PIK3C2G: variants seen among roughly 807,000 people sequenced by gnomAD.
PIK3C2G encodes phosphatidylinositol 3-kinase C2 domain-containing subunit gamma.
In PIK3C2G, 168 loss-of-function variants were observed where a neutral mutation model predicts 181.1. The observed-to-expected ratio is 0.93, with a 90% CI of 0.82 to 1.05. The LOEUF is 1.05. Ranked by LOEUF, PIK3C2G falls within the 50% of genes least tolerant of loss-of-function variation. PIK3C2G has a pLI of 0.00. For synonymous variants in PIK3C2G, 573 were observed against 592.2 expected, an observed-to-expected ratio of 0.97 and a Z score of 0.47; for missense variants, 1,869 against 1,732.8, an observed-to-expected ratio of 1.08 and a Z score of -1.40.
At chr12:18,449,528 C>T (rs952207230) in intron 18 of PIK3C2G, among the ~76,000 whole-genome samples, 1 of 152,102 alleles carries the variant, frequency 6.6e-6, no homozygotes, top group Non-Finnish European at 1.5e-5. Flanking sequence ...GTTCAACTCC[C>T]ACTTATGAGT....
At chr12:18,701,138 C>T in the PIK3C2G span, among the ~76,000 whole-genome samples, 1 of 151,980 alleles carries the variant, frequency 6.6e-6, no homozygotes, top group Non-Finnish European at 1.5e-5. Flanking sequence ...GCATGCGTCA[C>T]CATGCCCGGC....
the PIK3C2G span, among the ~76,000 whole-genome samples, chr12:18,718,129 A>G: frequency 1.6e-4 from 24 of 152,192 alleles, no homozygotes; most frequent in African/African-American, 2.7e-4. Context: ...AGGTGAAGCT[A>G]TAATGTTTGG....
At chr12:18,373,345 C>T (rs578159725) in intron 13 of PIK3C2G, among the ~76,000 whole-genome samples, 47 of 152,092 alleles carry the variant, frequency 3.1e-4, no homozygotes, top group African/African-American at 9.6e-4. Context: ...CTATAATGAG[C>T]GCTTATGTCA....
At chr12:18,454,696 T>G (rs1420030491) in intron 18 of PIK3C2G, among the ~76,000 whole-genome samples, 2 of 152,124 alleles carry the variant, frequency 1.3e-5, no homozygotes, top group South Asian at 2.1e-4. Context: ...CTGAGAAATT[T>G]TATTGCATTA....
intron 31 of PIK3C2G, among the ~76,000 whole-genome samples, chr12:18,637,144 T>C (rs1296800629): frequency 6.6e-6 from 1 of 152,184 alleles, no homozygotes; most frequent in Admixed American, 6.5e-5. Context: ...CAGTGTCCAG[T>C]AGTTCCCAAA....
At chr12:18,538,404 C>A in intron 25 of PIK3C2G, 92 bp downstream of exon 25, 1 of 1,060,408 alleles carries the variant, frequency 9.4e-7, no homozygotes, top group Non-Finnish European at 1.4e-6. Flanking sequence ...TGGAGTTCCC[C>A]AAGGAGCTAT....
At chr12:18,645,943 G>T (rs910021955) in intron 32 of PIK3C2G, among the ~76,000 whole-genome samples, 1 of 152,108 alleles carries the variant, frequency 6.6e-6, no homozygotes, top group African/African-American at 2.4e-5. Flanking sequence ...AAATAAGAGA[G>T]GAGTTCATCA....
the PIK3C2G span, among the ~76,000 whole-genome samples, chr12:18,678,879 T>C: frequency 6.6e-6 from 1 of 152,032 alleles, no homozygotes; most frequent in Non-Finnish European, 1.5e-5. Context: ...GCTTGAGTTA[T>C]ATGGTAGGGA....
chr12:18,479,071 A>G (rs1939301675), intron 18 of PIK3C2G, among the ~76,000 whole-genome samples: 1 of 150,250 alleles, frequency 6.7e-6, no homozygotes, highest in South Asian at 2.1e-4. Flanking sequence ...TATATAAAAT[A>G]TATCTATGTA....
intron 11 of PIK3C2G, among the ~76,000 whole-genome samples, chr12:18,359,658 T>C (rs1026723734): frequency 5.3e-5 from 8 of 152,214 alleles, no homozygotes; most frequent in South Asian, 2.1e-4. Flanking sequence ...ATATTTAAAA[T>C]TCTTATATCT....
intron 26 of PIK3C2G, among the ~76,000 whole-genome samples, chr12:18,558,880 C>T (rs1226331533): frequency 1.3e-5 from 2 of 152,092 alleles, no homozygotes; most frequent in Non-Finnish European, 1.5e-5. Context: ...TGATTAATTA[C>T]CATCAGAATT....
intron 18 of PIK3C2G, among the ~76,000 whole-genome samples, chr12:18,480,660 C>T (rs11524508): frequency 0.16 from 24,645 of 152,130 alleles, 2,437 homozygotes; most frequent in South Asian, 0.39. Flanking sequence ...CACCCAAATG[C>T]TACTGCTCCT....
chr12:18,359,244 A>G (rs1379597174), intron 11 of PIK3C2G, among the ~76,000 whole-genome samples: 1 of 152,286 alleles, frequency 6.6e-6, no homozygotes, highest in Non-Finnish European at 1.5e-5. Context: ...TGAATTTTCC[A>G]GATTTCTTTC....
chr12:18,509,254 G>T (rs951259989), intron 24 of PIK3C2G, among the ~76,000 whole-genome samples: 1 of 152,106 alleles, frequency 6.6e-6, no homozygotes, highest in Admixed American at 6.5e-5. Flanking sequence ...CACTCTGTTG[G>T]CCAGACTGGT....
intron 18 of PIK3C2G, among the ~76,000 whole-genome samples, chr12:18,457,627 G>T (rs1465671909): frequency 3.3e-5 from 5 of 151,948 alleles, no homozygotes; most frequent in Admixed American, 3.3e-4. Context: ...AATCATCTGT[G>T]CTGATTCTGA....
intron 14 of PIK3C2G, among the ~76,000 whole-genome samples, chr12:18,389,842 C>A (rs1186656743): frequency 2.0e-5 from 3 of 152,142 alleles, no homozygotes; most frequent in African/African-American, 7.2e-5. Flanking sequence ...CACAGGAATT[C>A]TTTTGTATGC....
chr12:18,333,418 C>T (rs1441071994), intron 8 of PIK3C2G, among the ~76,000 whole-genome samples: 4 of 152,032 alleles, frequency 2.6e-5, no homozygotes, highest in East Asian at 3.9e-4. Flanking sequence ...AGTATTTCTC[C>T]TATTTCTCTC....
rs372585791 is a variant in PIK3C2G at position 18,346,749 on chromosome 12, G to T, written c.1538G>T (p.Cys513Phe). The T allele has an allele frequency of 1.4e-5, 22 of 1,613,336 alleles. No homozygotes were observed. In the African/African-American group the frequency reaches 2.7e-4, roughly 20 times the overall value. The change falls in exon 11 of 33, where the codon TGC becomes TTC. Residue 513 changes from cysteine (C) to phenylalanine (F), a missense_variant. Transcript: ENST00000538779. ...TTTCAGCCTGTAAATGTACCTAGAT[G>T]CACTTCCTATCTAAATCCCGGGCTT... ...ADFQPVNVPR[C>F]TSYLNPGLPS...
At chr12:18,253,924 G>A (rs1336562245) in intron 1 of PIK3C2G, among the ~76,000 whole-genome samples, 1 of 147,870 alleles carries the variant, frequency 6.8e-6, no homozygotes, top group Non-Finnish European at 1.5e-5. Context: ...CAGATTGCAT[G>A]TTTCAGTTTT....
Sources: allele counts gnomAD v4.1 joint callset (sites outside exome capture counted in the v4.1 genomes callset), GRCh38; gene constraint gnomAD v4.1.1; transcripts MANE v1.5; gene names NCBI Gene and HGNC (gene_info 2026-07-23, HGNC 2026-07-21).